Variants in JAZF1 observed in about 807,000 individuals in gnomAD.
The protein encoded by JAZF1 is JAZF zinc finger 1, also known as juxtaposed with another zinc finger protein 1.
A neutral mutation model predicts 26.4 loss-of-function variants in JAZF1; 8 were observed. The ratio of observed to expected loss-of-function variants is 0.30; its 90% confidence interval spans 0.18 to 0.55. The LOEUF (loss-of-function observed/expected upper bound fraction) is 0.55. JAZF1 is among the 20% of genes least tolerant of loss of function. The pLI, the probability that JAZF1 is intolerant of heterozygous loss-of-function variation, is 0.94. For missense variants in JAZF1, 199 were observed against 322.0 expected, an observed-to-expected ratio of 0.62 and a Z score of 2.92; for synonymous variants, 126 against 122.3, an observed-to-expected ratio of 1.03 and a Z score of -0.20.
At chr7:27,977,699 C>T (rs1404965679) in intron 2 of JAZF1, among the ~76,000 whole-genome samples, 1 of 152,212 alleles carries the variant, frequency 6.6e-6, no homozygotes, top group Non-Finnish European at 1.5e-5. Flanking sequence ...CCCTCATCTT[C>T]ACTTGCACCC....
intron 1 of JAZF1, among the ~76,000 whole-genome samples, chr7:28,143,032 C>A (rs766612473): frequency 6.6e-6 from 1 of 152,188 alleles, no homozygotes; most frequent in Non-Finnish European, 1.5e-5. Flanking sequence ...CTACTGAGAT[C>A]GTCACTGGGC....
chr7:27,880,413 T>A (rs1783748740), intron 3 of JAZF1, among the ~76,000 whole-genome samples: 1 of 152,102 alleles, frequency 6.6e-6, no homozygotes, highest in African/African-American at 2.4e-5. Flanking sequence ...GGTGGGCGGA[T>A]CACGAGGTCA....
In JAZF1 at chr7:28,087,319, TA is replaced by T. The variant is rs79968014; in HGVS notation, c.115+93143del. On this transcript the variant is annotated intron_variant, in intron 1 of 4. Coordinates refer to ENST00000283928, the MANE Select transcript of JAZF1 (RefSeq NM_175061.4). ...AATCTTGGAAGGGCCCCTTTAGAAG[TA>T]AAAAAAAAAAAATCATATTCCATTT... is the stretch of plus-strand genomic sequence containing the variant. Among the ~76,000 whole-genome samples the T allele has an allele frequency of 9.0e-3, 1,270 of 141,890 alleles. 12 individuals are homozygous for T. The highest frequency in any genetic ancestry group is 0.026 in the African/African-American group (1,010 of 39,076). 93.1% of individuals were successfully genotyped at this position (141,890 alleles called of 152,430 possible). A position where few individuals can be genotyped will look rare whatever the true frequency, so the allele number is the denominator to read the frequency against.
chr7:27,958,418 G>C (rs1287280551), intron 2 of JAZF1, among the ~76,000 whole-genome samples: 1 of 152,184 alleles, frequency 6.6e-6, no homozygotes, highest in African/African-American at 2.4e-5. Context: ...GGGGAAAGGA[G>C]GAAGAAGGAT....
intron 1 of JAZF1, among the ~76,000 whole-genome samples, chr7:28,122,106 G>A (rs1379468405): frequency 6.6e-6 from 1 of 152,194 alleles, no homozygotes; most frequent in Non-Finnish European, 1.5e-5. Flanking sequence ...TTAAAAGCAG[G>A]AGAAACATAC....
At chr7:27,906,117 G>C (rs1784252096) in intron 2 of JAZF1, among the ~76,000 whole-genome samples, 1 of 152,318 alleles carries the variant, frequency 6.6e-6, no homozygotes, top group African/African-American at 2.4e-5. Context: ...CTTGAAATAT[G>C]CTAAGCAAAC....
At chr7:28,028,193 C>T (rs1783125060) in intron 1 of JAZF1, among the ~76,000 whole-genome samples, 1 of 152,212 alleles carries the variant, frequency 6.6e-6, no homozygotes, top group Admixed American at 6.5e-5. Flanking sequence ...AGCACCCAAG[C>T]AGTCATTACC....
At chr7:28,161,069 T>C (rs1299641022) in intron 1 of JAZF1, among the ~76,000 whole-genome samples, 1 of 152,106 alleles carries the variant, frequency 6.6e-6, no homozygotes, top group South Asian at 2.1e-4. Flanking sequence ...AAGCACTCTG[T>C]AGCTCAGCTT....
At chr7:28,161,528 T>A (rs530797470) in intron 1 of JAZF1, among the ~76,000 whole-genome samples, 3 of 152,218 alleles carry the variant, frequency 2.0e-5, no homozygotes, top group Admixed American at 2.0e-4. Context: ...GTACAGAACA[T>A]GTGCTAATGG....
Position 27,963,563 on chromosome 7 carries a change from C to CA in JAZF1, c.188+28345_188+28346insT, listed in dbSNP as rs1785220662. Among the ~76,000 whole-genome samples the CA allele has an allele frequency of 4.8e-5, 5 of 105,228 alleles. 1 individual carries two copies. Among genetic ancestry groups the CA allele is most frequent in the Admixed American group, 4.7e-4 (5 of 10,694 alleles). The allele number at this position is 105,228 out of a possible 152,430, so 69.0% of individuals were successfully genotyped here. On this transcript the variant is annotated intron_variant, in intron 2 of 4. Coordinates refer to ENST00000283928, the MANE Select transcript of JAZF1 (RefSeq NM_175061.4). ...AATGGATCAATGTTTGCAATTCCCC[C>CA]CCCCCCTTTTTTTTTGGAGACAGGG...
chr7:27,901,812 G>A (rs1784164645), intron 2 of JAZF1, among the ~76,000 whole-genome samples: 1 of 152,102 alleles, frequency 6.6e-6, no homozygotes, highest in South Asian at 2.1e-4. Context: ...ATTGAGATTT[G>A]GTTTTATGGA....
At chr7:28,150,675 C>A (rs960335416) in intron 1 of JAZF1, among the ~76,000 whole-genome samples, 8 of 152,208 alleles carry the variant, frequency 5.3e-5, no homozygotes, top group Non-Finnish European at 1.2e-4. Context: ...ACAACTTGCC[C>A]AAGCCTCACA....
At chr7:27,913,789 T>C (rs1028607499) in intron 2 of JAZF1, among the ~76,000 whole-genome samples, 14 of 152,212 alleles carry the variant, frequency 9.2e-5, no homozygotes, top group African/African-American at 3.4e-4. Flanking sequence ...TCTTTCACTC[T>C]TAGTGAGTTG....
chr7:27,831,910 T>C lies in JAZF1; in HGVS notation c.*890A>G, dbSNP rs984064855. 4.6e-6 allele frequency: 1 copy of C among 218,502 alleles called. No individual in the cohort carries two copies. The allele number at this position is 218,502 out of a possible 1,614,324, so 13.5% of individuals were successfully genotyped here. A position where few individuals can be genotyped will look rare whatever the true frequency, so the allele number is the denominator to read the frequency against. ...TTAAAACTTCATCTGAAGATGAAGATATAACTAAACTTCACACACACACAC... is the reference window on the plus strand; with the variant it reads ...TTAAAACTTCATCTGAAGATGAAGACATAACTAAACTTCACACACACACAC... On this transcript the variant is annotated 3_prime_UTR_variant, in exon 5 of 5. Transcript: ENST00000283928.
chr7:27,997,272 A>T (rs543084557), intron 1 of JAZF1, among the ~76,000 whole-genome samples: 2 of 152,250 alleles, frequency 1.3e-5, no homozygotes, highest in East Asian at 3.9e-4. Flanking sequence ...AAGGTTGATT[A>T]TCCAGGGACA....
At chr7:28,159,560 T>C (rs1301939358) in intron 1 of JAZF1, among the ~76,000 whole-genome samples, 1 of 151,922 alleles carries the variant, frequency 6.6e-6, no homozygotes, top group African/African-American at 2.4e-5. Context: ...TTTGTTGGAA[T>C]GGAGAGCCTT....
rs188418874 is a variant in JAZF1, at chr7:28,172,898, G to A, written c.115+7565C>T. On this transcript the variant is annotated intron_variant, in intron 1 of 4. Coordinates refer to ENST00000283928, the MANE Select transcript of JAZF1 (RefSeq NM_175061.4). ...CCCAAACAAAATGTGGACCCAATTC[G>A]ACTTCCCCCTAGCTATATCTCAAAA... Among the ~76,000 whole-genome samples the A allele has an allele frequency of 1.2e-4, 18 of 152,212 alleles. No homozygotes were observed. The East Asian group carries it at 3.1e-3, about 26-fold the overall frequency.
chr7:28,077,044 A>G (rs1329861279), intron 1 of JAZF1, among the ~76,000 whole-genome samples: 1 of 152,206 alleles, frequency 6.6e-6, no homozygotes, highest in Non-Finnish European at 1.5e-5. Flanking sequence ...GAATCTGTTT[A>G]AAGAATGTTA....
intron 1 of JAZF1, among the ~76,000 whole-genome samples, chr7:28,068,212 G>C (rs189041032): frequency 1.0e-4 from 15 of 148,374 alleles, no homozygotes; most frequent in Admixed American, 5.3e-4. Flanking sequence ...ACCGTGCTCA[G>C]CCTAGTTTTT....
Sources: gnomAD v4.1 joint callset for allele counts (sites outside exome capture counted in the v4.1 genomes callset) on GRCh38, gnomAD v4.1.1 for gene constraint, MANE v1.5 for transcripts, NCBI Gene and HGNC (gene_info 2026-07-23, HGNC 2026-07-21) for gene names.